DOCK3: variants seen among roughly 807,000 people sequenced by gnomAD.
The protein encoded by DOCK3 is dedicator of cytokinesis 3.
A neutral mutation model predicts 265.6 loss-of-function variants in DOCK3; 60 were observed. The ratio of observed to expected loss-of-function variants is 0.23; its 90% confidence interval spans 0.18 to 0.28. The LOEUF is 0.28. DOCK3 is among the 10% of genes least tolerant of loss of function. DOCK3 has a pLI of 1.00. For missense variants in DOCK3, 1,981 were observed against 2,594.3 expected, an observed-to-expected ratio of 0.76 and a Z score of 5.14; for synonymous variants, 881 against 938.0, an observed-to-expected ratio of 0.94 and a Z score of 1.11.
At chr3:51,035,529 TTGTC>T (rs1393738954) in intron 5 of DOCK3, among the ~76,000 whole-genome samples, 18 of 152,160 alleles carry the variant, frequency 1.2e-4, no homozygotes, top group Non-Finnish European at 7.4e-5. Context: ...TTTAAAGTAT[TTGTC>T]TGATAATTCC....
chr3:51,097,771 G>A (rs977029187), intron 9 of DOCK3, among the ~76,000 whole-genome samples: 1 of 152,230 alleles, frequency 6.6e-6, no homozygotes, highest in African/African-American at 2.4e-5. Flanking sequence ...CCTGGTCTAT[G>A]AGTTGCGAAG....
At chr3:51,089,898 C>CAAAA (rs1166631932) in intron 8 of DOCK3, among the ~76,000 whole-genome samples, 1 of 42,268 alleles carries the variant, frequency 2.4e-5, no homozygotes, top group African/African-American at 9.4e-5. Context: ...GACTCTGTCT[C>CAAAA]AAAAAAAAAA....
intron 12 of DOCK3, among the ~76,000 whole-genome samples, chr3:51,179,973 C>T (rs1440716589): frequency 1.3e-5 from 2 of 151,664 alleles, no homozygotes; most frequent in East Asian, 1.9e-4. Flanking sequence ...TTTGGGAGGC[C>T]GAGGTGGGTG....
At chr3:50,888,597 C>T (rs1236587035) in intron 3 of DOCK3, among the ~76,000 whole-genome samples, 1 of 152,192 alleles carries the variant, frequency 6.6e-6, no homozygotes, top group Non-Finnish European at 1.5e-5. Flanking sequence ...ATCATGCTAC[C>T]TGACTTCAAA....
intron 5 of DOCK3, among the ~76,000 whole-genome samples, chr3:50,935,020 A>G (rs900313482): frequency 6.6e-6 from 1 of 152,220 alleles, no homozygotes. Flanking sequence ...TCAAGGATCA[A>G]ATGAATTCTC....
intron 1 of DOCK3, among the ~76,000 whole-genome samples, chr3:50,720,170 A>C (rs1040728403): frequency 1.3e-5 from 2 of 152,110 alleles, no homozygotes; most frequent in Admixed American, 6.6e-5. Context: ...CCAGAGGTAC[A>C]TGTGCACATT....
At chr3:50,868,933 A>T (rs1575404316) in intron 3 of DOCK3, among the ~76,000 whole-genome samples, 14 of 43,812 alleles carry the variant, frequency 3.2e-4, no homozygotes, top group East Asian at 1.9e-3. Context: ...TTTTGGTCTG[A>T]CTAAAAGTTT....
intron 4 of DOCK3, among the ~76,000 whole-genome samples, chr3:50,929,095 G>A (rs915900613): frequency 1.3e-5 from 2 of 152,226 alleles, no homozygotes; most frequent in Admixed American, 6.5e-5. Context: ...TTATGAGGAT[G>A]TAACTCTGTT....
intron 2 of DOCK3, among the ~76,000 whole-genome samples, chr3:50,827,950 CT>C (rs575001275): frequency 1.5e-3 from 214 of 144,578 alleles, no homozygotes; most frequent in Admixed American, 1.8e-3. Context: ...AACATGCACT[CT>C]TTTTTTTTTT....
intron 6 of DOCK3, among the ~76,000 whole-genome samples, chr3:51,069,007 AAAATTTGAATATT>A (rs1435010277): frequency 1.3e-5 from 2 of 152,220 alleles, no homozygotes; most frequent in Non-Finnish European, 2.9e-5. Context: ...TATTTGGCCT[AAAATTTGAATATT>A]CAGACATTAA....
chr3:51,238,000 T>C, intron 21 of DOCK3, among the ~76,000 whole-genome samples: 1 of 152,152 alleles, frequency 6.6e-6, no homozygotes, highest in African/African-American at 2.4e-5. Context: ...ATATTTGTCC[T>C]TTTGTGAGTA....
At chr3:51,259,280 G>A (rs1553817379) in intron 22 of DOCK3, among the ~76,000 whole-genome samples, 1 of 152,210 alleles carries the variant, frequency 6.6e-6, no homozygotes, top group Non-Finnish European at 1.5e-5. Flanking sequence ...ATGAAAGGTA[G>A]TTTGGGAATT....
At chr3:51,162,411 T>TA (rs1190811093) in intron 12 of DOCK3, among the ~76,000 whole-genome samples, 2 of 152,204 alleles carry the variant, frequency 1.3e-5, no homozygotes, top group Non-Finnish European at 2.9e-5. Flanking sequence ...AATCATAACT[T>TA]ACAAAGAAAA....
At chr3:51,099,139 A>G (rs891716922) in intron 9 of DOCK3, among the ~76,000 whole-genome samples, 4 of 152,242 alleles carry the variant, frequency 2.6e-5, no homozygotes, top group Non-Finnish European at 4.4e-5. Context: ...TTAAAGCTAA[A>G]TATATTTCAT....
chr3:51,226,591 C>T (rs72953175), intron 15 of DOCK3, among the ~76,000 whole-genome samples: 11,010 of 152,224 alleles, frequency 0.072, 991 homozygotes, highest in East Asian at 0.32. Flanking sequence ...AAAAACTTAA[C>T]TCAAAAACCT....
rs781525089 is a variant in DOCK3 at position 51,246,811 on chromosome 3, A to G, written c.2184+4A>G. 5.0e-6 allele frequency: 8 copies of G among 1,611,900 alleles called. No homozygotes were observed. The highest frequency in any genetic ancestry group is 3.3e-5 in the South Asian group (3 of 90,440). ...CCACATTCAAGAAGCTATGCGGGTA[A>G]TGTACTAACCTCTCCATACATAAGA... On this transcript the variant is annotated splice_donor_region_variant and intron_variant, in intron 22 of 52. Transcript: ENST00000266037.
At chr3:51,002,986 GC>G (rs1280440964) in intron 5 of DOCK3, among the ~76,000 whole-genome samples, 1 of 152,154 alleles carries the variant, frequency 6.6e-6, no homozygotes, top group Non-Finnish European at 1.5e-5. Flanking sequence ...TATGTGGTAT[GC>G]CCTGACTAGT....
At chr3:50,930,025 G>C (rs1265028740) in intron 4 of DOCK3, among the ~76,000 whole-genome samples, 1 of 152,182 alleles carries the variant, frequency 6.6e-6, no homozygotes, top group Non-Finnish European at 1.5e-5. Flanking sequence ...GCAAGGCTTT[G>C]AGAGTTCAAA....
rs529188532 is a variant in DOCK3 at position 51,168,839 on chromosome 3, G to A, written c.1037+8137G>A. Reference sequence around the variant, plus strand: ...ATAGGAGAAAATATTTGCAAACTATGCATCTGACAAAGGTCCAATATCTAG... The same window carrying A: ...ATAGGAGAAAATATTTGCAAACTATACATCTGACAAAGGTCCAATATCTAG... On this transcript the variant is annotated intron_variant, in intron 12 of 52. Transcript: ENST00000266037. 3.3e-5 allele frequency among the ~76,000 whole-genome samples: 5 copies of A among 151,704 alleles called. No homozygotes were observed. In the East Asian group the frequency reaches 7.7e-4, roughly 23 times the overall value.
Sources: gnomAD v4.1 joint callset for allele counts (sites outside exome capture counted in the v4.1 genomes callset) on GRCh38, gnomAD v4.1.1 for gene constraint, MANE v1.5 for transcripts, NCBI Gene and HGNC (gene_info 2026-07-23, HGNC 2026-07-21) for gene names.